LAMB4: variants seen among roughly 807,000 people sequenced by gnomAD.
LAMB4 encodes laminin subunit beta 4.
Under a neutral mutation model 199.2 loss-of-function variants are expected in LAMB4, and 196 were observed. The observed-to-expected ratio is 0.98, with a 90% CI of 0.88 to 1.11. The LOEUF is 1.11. Ranked by LOEUF, LAMB4 falls within the 50% of genes least tolerant of loss-of-function variation. LAMB4 has a pLI of 0.00. For missense variants in LAMB4, 2,080 were observed against 2,171.2 expected, an observed-to-expected ratio of 0.96 and a Z score of 0.83; for synonymous variants, 744 against 770.6, an observed-to-expected ratio of 0.97 and a Z score of 0.57.
At chr7:108,120,622 G>C (rs1489936699) in intron 2 of LAMB4, among the ~76,000 whole-genome samples, 1 of 152,162 alleles carries the variant, frequency 6.6e-6, no homozygotes, top group African/African-American at 2.4e-5. Context: ...TTCATATTTT[G>C]TTTGTTTGCT....
chr7:108,082,220 C>T (rs1275935362), intron 14 of LAMB4, among the ~76,000 whole-genome samples: 1 of 151,242 alleles, frequency 6.6e-6, no homozygotes, highest in Non-Finnish European at 1.5e-5. Flanking sequence ...GTCCCGGCTA[C>T]TTGGGAGGCT....
At position 108,080,170 on chromosome 7, in the gene LAMB4, G is replaced by A. The variant is rs933011590; in HGVS notation, c.1702-384C>T. Among the ~76,000 whole-genome samples the A allele has an allele frequency of 1.7e-4, 26 of 152,128 alleles. 1 individual carries two copies. Among genetic ancestry groups the A allele is most frequent in the Non-Finnish European group, 2.9e-5 (2 of 68,020 alleles). ...TTCCCATGCCCACTTTACAGATTTT[G>A]CCTAATTGGGCATGACAATGAGAAA... On this transcript the variant is annotated intron_variant, in intron 14 of 33. Coordinates refer to ENST00000388781, the MANE Select transcript of LAMB4 (RefSeq NM_007356.3).
chr7:108,099,047 C>A (rs1435545514), intron 10 of LAMB4, among the ~76,000 whole-genome samples: 1 of 152,146 alleles, frequency 6.6e-6, no homozygotes, highest in Non-Finnish European at 1.5e-5. Context: ...AAAATAAGGT[C>A]AAAATCTCTG....
chr7:108,077,392 T>C (rs545102396), intron 16 of LAMB4, among the ~76,000 whole-genome samples: 61 of 151,668 alleles, frequency 4.0e-4, no homozygotes, highest in African/African-American at 1.4e-3. Context: ...TCTCAAAAAA[T>C]CTCAAAAAAA....
intron 27 of LAMB4, 54 bp downstream of exon 27, chr7:108,049,272 C>CAT: frequency 1.2e-6 from 1 of 838,900 alleles, no homozygotes; most frequent in South Asian, 1.6e-5. Context: ...TGAAGAGGTT[C>CAT]ATATACCAAG....
At chr7:108,094,959 G>C (rs1242217468) in intron 12 of LAMB4, among the ~76,000 whole-genome samples, 1 of 152,158 alleles carries the variant, frequency 6.6e-6, no homozygotes, top group African/African-American at 2.4e-5. Flanking sequence ...TTCAGGAAAA[G>C]AGTGGATAAA....
rs559849817 is a variant in LAMB4, at chr7:108,108,393, T to G, written c.403-574A>C. ...TGGCTTATAAATGGAAAAGCTAATGTAGTTAATATTTTACAGCAATTTGTT... is the reference window on the plus strand; with the variant it reads ...TGGCTTATAAATGGAAAAGCTAATGGAGTTAATATTTTACAGCAATTTGTT... On this transcript the variant is annotated intron_variant, in intron 5 of 33. Transcript: ENST00000388781. 2.0e-5 allele frequency among the ~76,000 whole-genome samples: 3 copies of G among 152,348 alleles called. No homozygotes were observed. The South Asian group carries it at 6.2e-4, about 32-fold the overall frequency.
intron 23 of LAMB4, among the ~76,000 whole-genome samples, chr7:108,060,382 A>G (rs2036120929): frequency 6.6e-6 from 1 of 152,074 alleles, no homozygotes; most frequent in South Asian, 2.1e-4. Flanking sequence ...TCACGTGGAG[A>G]TCTACCACTT....
intron 17 of LAMB4, 150 bp from the exon 18 acceptor site, chr7:108,070,035 A>G (rs1051665222): frequency 3.6e-5 from 16 of 447,430 alleles, no homozygotes; most frequent in African/African-American, 3.0e-4. Context: ...GACTTTAAAG[A>G]TTTTCAATTT....
At chr7:108,053,262 G>A (rs889414477) in intron 25 of LAMB4, among the ~76,000 whole-genome samples, 10 of 152,292 alleles carry the variant, frequency 6.6e-5, no homozygotes, top group East Asian at 3.9e-4. Flanking sequence ...GTAGCTTGCC[G>A]AAAGCCACAC....
intron 19 of LAMB4, among the ~76,000 whole-genome samples, chr7:108,067,073 T>C (rs1339817932): frequency 6.6e-6 from 1 of 152,162 alleles, no homozygotes; most frequent in Non-Finnish European, 1.5e-5. Flanking sequence ...TGATAAATTG[T>C]TGAATCCCTT....
chr7:108,121,669 G>GA (rs1479672002), intron 2 of LAMB4, among the ~76,000 whole-genome samples: 2 of 151,614 alleles, frequency 1.3e-5, no homozygotes, highest in African/African-American at 4.9e-5. Flanking sequence ...AGAATTGCTT[G>GA]AACCCAGGAG....
At chr7:108,050,001 AC>A (rs2035777142) in intron 26 of LAMB4, among the ~76,000 whole-genome samples, 1 of 152,210 alleles carries the variant, frequency 6.6e-6, no homozygotes, top group African/African-American at 2.4e-5. Flanking sequence ...GAGTTGACAA[AC>A]TTTTTCTGCA....
intron 17 of LAMB4, chr7:108,075,512 G>A (rs1052316244): frequency 6.6e-6 from 1 of 152,172 alleles, no homozygotes; most frequent in Admixed American, 6.5e-5. Flanking sequence ...AATGATATTA[G>A]AAGATTCTCA....
At position 108,047,937 on chromosome 7, in the gene LAMB4, C is replaced by T. The variant is rs1227166405; in HGVS notation, c.4297G>A (p.Asp1433Asn). ...TTTTTCAACCCACGAACCTGTTTGT[C>T]CAAATTACGAATAATGGATTTTGCT... ...QEAKSIIRNL[D>N]KQVRGLKNQI... Residue 1433 changes from aspartate to asparagine, a missense_variant, in exon 28 of 34, where the codon GAC becomes AAC. Physicochemically the swap from Asp to Asn is conservative, Grantham distance 23. Coordinates refer to ENST00000388781, the MANE Select transcript of LAMB4 (RefSeq NM_007356.3). The T allele has an allele frequency of 6.2e-7, 1 of 1,614,116 alleles. No homozygotes were observed. The highest frequency in any genetic ancestry group is 2.2e-5 in the East Asian group (1 of 44,872).
At chr7:108,050,647 C>A (rs915857518) in intron 26 of LAMB4, among the ~76,000 whole-genome samples, 3 of 152,164 alleles carry the variant, frequency 2.0e-5, no homozygotes, top group African/African-American at 7.2e-5. Flanking sequence ...ATAATCCAGG[C>A]AGGAGACAAC....
intron 6 of LAMB4, among the ~76,000 whole-genome samples, chr7:108,107,427 G>A (rs2038062144): frequency 1.3e-5 from 2 of 152,194 alleles, no homozygotes; most frequent in South Asian, 4.1e-4. Flanking sequence ...CCCACCTTCA[G>A]CTGAGCACTC....
intron 18 of LAMB4, among the ~76,000 whole-genome samples, chr7:108,068,730 A>G (rs770302534): frequency 5.9e-5 from 9 of 151,976 alleles, no homozygotes; most frequent in Admixed American, 1.3e-4. Context: ...ATCTCATTCT[A>G]TGGCCCAGGC....
At chr7:108,114,440 A>AAAAT (rs144655856) in intron 3 of LAMB4, among the ~76,000 whole-genome samples, 11,452 of 151,628 alleles carry the variant, frequency 0.076, 1,411 homozygotes, top group African/African-American at 0.26. Flanking sequence ...CCCTATCTAA[A>AAAAT]AAATAGAGTT....
Sources: gnomAD v4.1 joint callset for allele counts (sites outside exome capture counted in the v4.1 genomes callset) on GRCh38, gnomAD v4.1.1 for gene constraint, MANE v1.5 for transcripts, NCBI Gene and HGNC (gene_info 2026-07-23, HGNC 2026-07-21) for gene names.